CELF5: variants seen among roughly 807,000 people sequenced by gnomAD.
CELF5 encodes CUG-BP and ETR-3 like factor 5.
A neutral mutation model predicts 54.9 loss-of-function variants in CELF5; 6 were observed. The observed-to-expected ratio is 0.11, with a 90% CI of 0.06 to 0.22. The LOEUF (loss-of-function observed/expected upper bound fraction) is 0.22. Among genes scored for constraint, CELF5 ranks in the 10% least tolerant of loss-of-function variants. The pLI, the probability that CELF5 is intolerant of heterozygous loss-of-function variation, is 1.00. For missense variants in CELF5, 401 were observed against 678.6 expected, an observed-to-expected ratio of 0.59 and a Z score of 4.54; for synonymous variants, 271 against 290.9, an observed-to-expected ratio of 0.93 and a Z score of 0.70.
At position 3,275,734 on chromosome 19, in the gene CELF5, G is replaced by A. The variant is rs2080037468; in HGVS notation, c.395-122G>A. ...CCCTCGCACGCGCAGAACCGGAGCC[G>A]GCAGGGCCCGGGCGCCGCGTCTTCC... On this transcript the variant is annotated intron_variant, in intron 3 of 12. Transcript: ENST00000292672. The surrounding 1 kb of genome is among the most constrained non-coding windows in gnomAD (Gnocchi z 6.7). 1.8e-6 allele frequency: 2 copies of A among 1,090,190 alleles called. No homozygotes were observed. The highest frequency in any genetic ancestry group is 2.5e-6 in the Non-Finnish European group (2 of 787,908). The allele number at this position is 1,090,190 out of a possible 1,614,324, so 67.5% of individuals were successfully genotyped here.
chr19:3,292,918 A>G (rs1464889580), intron 11 of CELF5, among the ~76,000 whole-genome samples: 8 of 152,084 alleles, frequency 5.3e-5, no homozygotes, highest in Admixed American at 5.2e-4. Context: ...CAAAAAAAAG[A>G]GAGAGACAAA....
chr19:3,254,247 A>G (rs1421237188), intron 2 of CELF5, among the ~76,000 whole-genome samples: 10 of 152,114 alleles, frequency 6.6e-5, no homozygotes, highest in African/African-American at 2.4e-4. Context: ...GTCAGCCCAT[A>G]AATTCATAGC....
At position 3,290,377 on chromosome 19, in the gene CELF5, G is replaced by A. The variant is rs772962332; in HGVS notation, c.1330+3G>A. The A allele has an allele frequency of 1.2e-6, 2 of 1,612,848 alleles. No individual in the cohort carries two copies. Among genetic ancestry groups the A allele is most frequent in the African/African-American group, 2.7e-5 (2 of 74,828 alleles). ...TACCAACCAGAGCAAGTGTTTCGGT[G>A]AGTGGCCGCCGACGCCACCCCTCCC... is the stretch of plus-strand genomic sequence containing the variant. On this transcript the variant is annotated splice_donor_region_variant and intron_variant, in intron 11 of 12. Coordinates refer to ENST00000292672, the MANE Select transcript of CELF5 (RefSeq NM_021938.4).
chr19:3,276,630 C>A (rs867562525), intron 4 of CELF5, among the ~76,000 whole-genome samples: 4 of 148,700 alleles, frequency 2.7e-5, no homozygotes, highest in Admixed American at 6.7e-5. Context: ...CTTGATCCTA[C>A]CTGCATGCTC....
chr19:3,292,711 C>T (rs1282920628), intron 11 of CELF5, among the ~76,000 whole-genome samples: 14 of 151,788 alleles, frequency 9.2e-5, no homozygotes, highest in Admixed American at 5.3e-4. Flanking sequence ...AGCTAGAGAA[C>T]GAGAGAAAGA....
intron 2 of CELF5, among the ~76,000 whole-genome samples, chr19:3,266,041 A>G (rs2079876996): frequency 6.6e-6 from 1 of 152,190 alleles, no homozygotes. Flanking sequence ...TCCTGACCTC[A>G]GGTGATCTGC....
At position 3,278,521 on chromosome 19, in the gene CELF5, A is replaced by G. The variant is rs992229046; in HGVS notation, c.603+411A>G. On this transcript the variant is annotated intron_variant, in intron 5 of 12. Transcript: ENST00000292672. This position sits in a 1 kb window ranked among gnomAD's most constrained non-coding sequence, Gnocchi z 4.5. The stretch of plus-strand genomic sequence containing the variant: ...GGGTGTGCGTAAATATGTATGGATA[A>G]GTGTGCCATTGTGTGCTAGTGTAGA... Among the ~76,000 whole-genome samples, 8 of 151,626 alleles carry G rather than the reference A, an allele frequency of 5.3e-5. No individual in the cohort carries two copies. Among genetic ancestry groups the G allele is most frequent in the African/African-American group, 1.9e-4 (8 of 41,196 alleles).
intron 2 of CELF5, among the ~76,000 whole-genome samples, chr19:3,260,824 G>A (rs899236798): frequency 7.3e-5 from 11 of 151,564 alleles, no homozygotes; most frequent in Non-Finnish European, 1.0e-4. Flanking sequence ...GGGTTTCACC[G>A]TGTTAGTCAG....
In CELF5 at chr19:3,278,969, T is replaced by C. The variant is rs544602047; in HGVS notation, c.603+859T>C. 5.3e-4 allele frequency among the ~76,000 whole-genome samples: 80 copies of C among 152,280 alleles called. 1 individual carries two copies. In the South Asian group the frequency reaches 0.014, roughly 28 times the overall value. On this transcript the variant is annotated intron_variant, in intron 5 of 12. Coordinates refer to ENST00000292672, the MANE Select transcript of CELF5 (RefSeq NM_021938.4). The surrounding 1 kb of genome is among the most constrained non-coding windows in gnomAD (Gnocchi z 4.5). ...CAATGCGAGGCTGAGAAGCCTGGACTTTCTCCTAGGGCAGTGGGGAGCCAC... is the reference window on the plus strand; with the variant it reads ...CAATGCGAGGCTGAGAAGCCTGGACCTTCTCCTAGGGCAGTGGGGAGCCAC...
At position 3,278,220 on chromosome 19, in the gene CELF5, C is replaced by A; in HGVS notation, c.603+110C>A. 1.2e-6 allele frequency: 1 copy of A among 800,988 alleles called. No individual in the cohort carries two copies. Among genetic ancestry groups the A allele is most frequent in the Non-Finnish European group, 2.0e-6 (1 of 496,524 alleles). The allele number at this position is 800,988 out of a possible 1,614,324, so 49.6% of individuals were successfully genotyped here. On this transcript the variant is annotated intron_variant, in intron 5 of 12. Transcript: ENST00000292672. This position sits in a 1 kb window ranked among gnomAD's most constrained non-coding sequence, Gnocchi z 4.5. ...GTCGCTGTCATCCGGTAGCCCCTGG[C>A]TGTCCTTCAGAGGGGGCACAGGTGG...
chr19:3,251,663 TTTTTTTTTTTTG>T (rs2079650612), intron 2 of CELF5, among the ~76,000 whole-genome samples: 1 of 135,044 alleles, frequency 7.4e-6, no homozygotes, highest in Non-Finnish European at 1.7e-5. Flanking sequence ...TTTTTTTTTT[TTTTTTTTTTTTG>T]TTGTTGTTGT....
At chr19:3,256,534 TTTATTA>T (rs58462515) in intron 2 of CELF5, among the ~76,000 whole-genome samples, 5,131 of 144,402 alleles carry the variant, frequency 0.036, 119 homozygotes, top group Middle Eastern at 0.081. Context: ...GGAGGTTTCA[TTTATTA>T]TTATTATTAT....
At chr19:3,233,783 A>G (rs1477910932) in intron 1 of CELF5, among the ~76,000 whole-genome samples, 2 of 152,212 alleles carry the variant, frequency 1.3e-5, no homozygotes, top group African/African-American at 4.8e-5. Context: ...AGGTGGAGCC[A>G]TGGAGACCTG....
chr19:3,262,203 A>G (rs958809733), intron 2 of CELF5, among the ~76,000 whole-genome samples: 2 of 151,670 alleles, frequency 1.3e-5, no homozygotes, highest in African/African-American at 4.9e-5. Flanking sequence ...TAATTTTTGT[A>G]TTTTTAATAG....
In CELF5 at chr19:3,235,404, A is replaced by C. The variant is rs112313692; in HGVS notation, c.259+10406A>C. 3.9e-3 allele frequency among the ~76,000 whole-genome samples: 580 copies of C among 149,866 alleles called. 7 individuals carry two copies. The highest frequency in any genetic ancestry group is 0.012 in the African/African-American group (492 of 40,694). On this transcript the variant is annotated intron_variant, in intron 1 of 12. Transcript: ENST00000292672. ...CTTTTTCTCCTTCCTAATAGACTGT[A>C]AGCCTCATTAGCACAGAGATTTTCA...
At chr19:3,240,322 T>TTTTC (rs1314706899) in intron 1 of CELF5, among the ~76,000 whole-genome samples, 15 of 147,732 alleles carry the variant, frequency 1.0e-4, no homozygotes, top group Non-Finnish European at 2.2e-4. Flanking sequence ...TGGCCCTTCT[T>TTTTC]TTTCTTTCTT....
At chr19:3,261,275 G>A (rs2079803953) in intron 2 of CELF5, among the ~76,000 whole-genome samples, 1 of 151,992 alleles carries the variant, frequency 6.6e-6, no homozygotes, top group Non-Finnish European at 1.5e-5. Context: ...AAAATTAGCT[G>A]GGCATGGTGG....
chr19:3,262,593 G>A (rs977898861), intron 2 of CELF5, among the ~76,000 whole-genome samples: 6 of 152,100 alleles, frequency 3.9e-5, no homozygotes, highest in Non-Finnish European at 7.4e-5. Flanking sequence ...CCAGGGTCTG[G>A]ATCATATCGG....
At chr19:3,227,197 C>T (rs1277186700) in intron 1 of CELF5, among the ~76,000 whole-genome samples, 5 of 152,048 alleles carry the variant, frequency 3.3e-5, no homozygotes, top group African/African-American at 1.2e-4. Context: ...GTGCTTGGCA[C>T]GAAGGGGTGG....
Sources: allele counts gnomAD v4.1 joint callset (sites outside exome capture counted in the v4.1 genomes callset), GRCh38; gene constraint gnomAD v4.1.1; non-coding constraint Gnocchi (gnomAD v3.1); transcripts MANE v1.5; gene names NCBI Gene and HGNC (gene_info 2026-07-23, HGNC 2026-07-21).